The following METTL9 variants were observed in gnomAD, a reference collection of about 807,000 sequenced individuals.
The protein encoded by METTL9 is protein-L-histidine N-pros-methyltransferase.
METTL9 carries 10 observed loss-of-function variants against 36.0 expected under a neutral mutation model. The ratio of observed to expected loss-of-function variants is 0.28; its 90% CI spans 0.17 to 0.47. The LOEUF (loss-of-function observed/expected upper bound fraction) is 0.47, where lower values mean the gene tolerates loss of function less well. Ranked by LOEUF, METTL9 falls within the 20% of genes least tolerant of loss-of-function variation. The pLI, the probability that METTL9 is intolerant of heterozygous loss-of-function variation, is 0.99. For missense variants in METTL9, 246 were observed against 383.5 expected, an observed-to-expected ratio of 0.64 and a Z score of 3.00; for synonymous variants, 175 against 149.7, an observed-to-expected ratio of 1.17 and a Z score of -1.23.
In METTL9 at chr16:21,599,851, C is replaced by G; in HGVS notation, c.118C>G (p.Pro40Ala). 6.6e-7 allele frequency: 1 copy of G among 1,508,594 alleles called. No individual in the cohort carries two copies. The highest frequency in any genetic ancestry group is 8.8e-7 in the Non-Finnish European group (1 of 1,134,984). The allele number at this position is 1,508,594 out of a possible 1,614,324, so 93.5% of individuals were successfully genotyped here. The stretch of plus-strand genomic sequence containing the variant: ...CCTGTACGTGAACATGACTAGCGGC[C>G]CGGGTGGGCCGGCGGCGGCCGCGGG... The part of the protein sequence containing the change: ...RSLYVNMTSG[P>A]GGPAAAAGGR... Residue 40 changes from proline to alanine, a missense_variant, in exon 1 of 5, where the codon CCG becomes GCG. Transcript: ENST00000358154. This position sits in a 1 kb window ranked among gnomAD's most constrained non-coding sequence, Gnocchi z 4.4.
intron 4 of METTL9, among the ~76,000 whole-genome samples, chr16:21,636,178 G>T (rs2141601788): frequency 6.6e-6 from 1 of 152,284 alleles, no homozygotes; most frequent in East Asian, 1.9e-4. Context: ...GACACCTTTT[G>T]TCCTCACTTA....
chr16:21,646,825 T>G, intron 4 of METTL9: 1 of 364,890 alleles, frequency 2.7e-6, no homozygotes, highest in Non-Finnish European at 5.3e-6. Flanking sequence ...GCGGCTAATT[T>G]TTGTATTTTG....
intron 4 of METTL9, chr16:21,627,005 T>G: frequency 2.0e-6 from 2 of 985,350 alleles, no homozygotes; most frequent in Non-Finnish European, 2.4e-6. Flanking sequence ...GCTCCTTGAT[T>G]GTGGATGTGC....
intron 3 of METTL9, among the ~76,000 whole-genome samples, chr16:21,623,874 G>A (rs527572601): frequency 6.6e-6 from 1 of 152,004 alleles, no homozygotes; most frequent in Non-Finnish European, 1.5e-5. Context: ...TGATTCAAGC[G>A]ATTCTCCTAC....
At chr16:21,625,230 T>G (rs922215177) in intron 4 of METTL9, 115 bp downstream of exon 4, 83 of 1,163,326 alleles carry the variant, frequency 7.1e-5, no homozygotes, top group Non-Finnish European at 1.0e-4. Flanking sequence ...AGCCTGCAGT[T>G]TAAAGTAATC....
chr16:21,633,698 AC>A (rs1362654690), intron 4 of METTL9, among the ~76,000 whole-genome samples: 1 of 152,202 alleles, frequency 6.6e-6, no homozygotes, highest in Non-Finnish European at 1.5e-5. Context: ...ACTAGTCTCC[AC>A]TGACCGTTCA....
chr16:21,602,776 G>C (rs927425152), intron 1 of METTL9, among the ~76,000 whole-genome samples: 3 of 151,766 alleles, frequency 2.0e-5, no homozygotes, highest in African/African-American at 7.3e-5. Flanking sequence ...TGATGTCTCA[G>C]CCTCCCGAGT....
chr16:21,612,106 G>T (rs1013009024), intron 1 of METTL9: 1 of 152,212 alleles, frequency 6.6e-6, no homozygotes, highest in Non-Finnish European at 1.5e-5. Flanking sequence ...AAGAGGAAAG[G>T]CAACTTAATC....
chr16:21,613,591 C>A (rs1222210322), intron 2 of METTL9, among the ~76,000 whole-genome samples: 1 of 152,116 alleles, frequency 6.6e-6, no homozygotes, highest in African/African-American at 2.4e-5. Flanking sequence ...GAGGGCTTTA[C>A]GCCCTTAGGC....
chr16:21,645,588 A>C (rs547903775), intron 4 of METTL9, among the ~76,000 whole-genome samples: 3 of 152,358 alleles, frequency 2.0e-5, no homozygotes, highest in African/African-American at 7.2e-5. Context: ...TCAGTGTGAA[A>C]ATAGGAGTTC....
At chr16:21,629,591 C>T (rs1965896444) in intron 4 of METTL9, among the ~76,000 whole-genome samples, 1 of 152,156 alleles carries the variant, frequency 6.6e-6, no homozygotes, top group Admixed American at 6.5e-5. Flanking sequence ...GGTTCCTGGT[C>T]TTGCTGGCCT....
chr16:21,655,141 C>A (rs1283167497), intron 4 of METTL9, 86 bp from the exon 5 acceptor site: 3 of 1,221,074 alleles, frequency 2.5e-6, no homozygotes, highest in African/African-American at 1.5e-5. Context: ...CGTACCAAGT[C>A]CTTGGTAGAT....
chr16:21,613,579 CT>C (rs1965485684), intron 2 of METTL9, among the ~76,000 whole-genome samples: 1 of 152,116 alleles, frequency 6.6e-6, no homozygotes, highest in Non-Finnish European at 1.5e-5. Flanking sequence ...AGCCCTGAAG[CT>C]GAGGGCTTTA....
chr16:21,641,530 G>A, intron 4 of METTL9: 5 of 1,564,368 alleles, frequency 3.2e-6, no homozygotes, highest in Non-Finnish European at 4.4e-6. Flanking sequence ...AAATTAAAAC[G>A]TTTCTATGGC....
At chr16:21,639,382 T>C (rs1966187729) in intron 4 of METTL9, among the ~76,000 whole-genome samples, 1 of 152,194 alleles carries the variant, frequency 6.6e-6, no homozygotes, top group Admixed American at 6.5e-5. Flanking sequence ...AGTACCAAAA[T>C]GTAATGACTC....
chr16:21,643,848 A>C (rs963537318), intron 4 of METTL9, among the ~76,000 whole-genome samples: 2 of 152,138 alleles, frequency 1.3e-5, no homozygotes, highest in Admixed American at 6.5e-5. Flanking sequence ...ACATAGCCAA[A>C]AGGTATTCTT....
chr16:21,602,022 GT>G (rs1965145332), intron 1 of METTL9, among the ~76,000 whole-genome samples: 2 of 152,222 alleles, frequency 1.3e-5, no homozygotes, highest in South Asian at 4.1e-4. Context: ...TTGATAATTT[GT>G]TTTCCACTTA....
intron 4 of METTL9, among the ~76,000 whole-genome samples, chr16:21,634,443 ATCTT>A (rs1966035822): frequency 6.6e-6 from 1 of 152,142 alleles, no homozygotes; most frequent in African/African-American, 2.4e-5. Flanking sequence ...TCATTGGACA[ATCTT>A]TCTTAAAGTG....
intron 4 of METTL9, chr16:21,653,560 A>G (rs1966633808): frequency 6.6e-6 from 1 of 152,302 alleles, no homozygotes; most frequent in Non-Finnish European, 1.5e-5. Context: ...TGGGAGGGCT[A>G]GTGAATCTTG....
Sources: allele counts gnomAD v4.1 joint callset (sites outside exome capture counted in the v4.1 genomes callset), GRCh38; gene constraint gnomAD v4.1.1; non-coding constraint Gnocchi (gnomAD v3.1); transcripts MANE v1.5; gene names NCBI Gene and HGNC (gene_info 2026-07-23, HGNC 2026-07-21).